The following PRIM2 variants were observed in gnomAD, a reference collection of about 807,000 sequenced individuals.
The protein encoded by PRIM2 is DNA primase subunit 2.
PRIM2 carries 39 observed loss-of-function variants against 67.3 expected under a neutral mutation model. That is an observed-to-expected ratio of 0.58 (90% CI 0.45 to 0.76). The LOEUF (loss-of-function observed/expected upper bound fraction) is 0.76. Among genes scored for constraint, PRIM2 ranks in the 30% least tolerant of loss-of-function variants. The pLI, the probability that PRIM2 is intolerant of heterozygous loss-of-function variation, is 0.00. For missense variants in PRIM2, 398 were observed against 598.7 expected (o/e 0.66, Z 3.50); for synonymous variants, 143 against 198.7 (o/e 0.72, Z 2.36).
chr6:57,312,267 G>A (rs1165236529), upstream of PRIM2, among the ~76,000 whole-genome samples: 3 of 152,104 alleles, frequency 2.0e-5, no homozygotes, highest in South Asian at 4.2e-4. Context: ...TTGGGAGGCC[G>A]AGGCAGGAGG....
intron 8 of PRIM2, among the ~76,000 whole-genome samples, chr6:57,524,655 C>A (rs1238957462): frequency 6.6e-6 from 1 of 151,806 alleles, no homozygotes; most frequent in East Asian, 1.9e-4. Context: ...GAGCCGAGAT[C>A]GTACCATTGC....
At chr6:57,474,914 CTT>C (rs1197787761) in intron 7 of PRIM2, among the ~76,000 whole-genome samples, 6 of 152,144 alleles carry the variant, frequency 3.9e-5, no homozygotes, top group Non-Finnish European at 8.8e-5. Context: ...GTAGCATACT[CTT>C]TTTTTCCAGG....
chr6:57,248,818 C>T, the PRIM2 span, among the ~76,000 whole-genome samples: 1 of 152,202 alleles, frequency 6.6e-6, no homozygotes, highest in African/African-American at 2.4e-5. Context: ...GGCTCCCTGC[C>T]TCCAGACCCT....
At chr6:57,240,091 G>GTTTTTTTTTTTTTTTT in the PRIM2 span, among the ~76,000 whole-genome samples, 6 of 90,016 alleles carry the variant, frequency 6.7e-5, no homozygotes, top group African/African-American at 2.2e-4. Context: ...TCAATAATCT[G>GTTTTTTTTTTTTTTTT]TTTTTTTTTT....
At chr6:57,269,560 T>A in the PRIM2 span, among the ~76,000 whole-genome samples, 2 of 152,100 alleles carry the variant, frequency 1.3e-5, no homozygotes, top group African/African-American at 4.8e-5. Context: ...ATTGCAAAAA[T>A]TTTCTCCCAT....
chr6:57,305,515 CAG>C, the PRIM2 span, among the ~76,000 whole-genome samples: 1 of 152,202 alleles, frequency 6.6e-6, no homozygotes, highest in African/African-American at 2.4e-5. Flanking sequence ...TCAGCTCAAA[CAG>C]AGAGCAACTG....
chr6:57,285,211 AC>A, the PRIM2 span, among the ~76,000 whole-genome samples: 1 of 152,234 alleles, frequency 6.6e-6, no homozygotes, highest in Non-Finnish European at 1.5e-5. Context: ...GACAGCTGGT[AC>A]CATTCCTTCT....
intron 10 of PRIM2, among the ~76,000 whole-genome samples, chr6:57,577,615 G>A (rs1775987497): frequency 6.6e-6 from 1 of 151,924 alleles, no homozygotes; most frequent in Non-Finnish European, 1.5e-5. Context: ...TTTTAGTAGA[G>A]ATGGGGTTTC....
intron 2 of PRIM2, among the ~76,000 whole-genome samples, chr6:57,319,477 T>TGA (rs1319429257): frequency 6.6e-6 from 1 of 152,160 alleles, no homozygotes; most frequent in Non-Finnish European, 1.5e-5. Context: ...GTGTGTTGAA[T>TGA]GAAAGAATGA....
the PRIM2 span, among the ~76,000 whole-genome samples, chr6:57,272,176 G>A: frequency 5.3e-5 from 8 of 152,044 alleles, no homozygotes; most frequent in Non-Finnish European, 1.2e-4. Context: ...CAATTCCTGG[G>A]TATCCTTGTT....
intron 7 of PRIM2, among the ~76,000 whole-genome samples, chr6:57,433,068 A>G (rs892635569): frequency 1.3e-5 from 2 of 152,316 alleles, no homozygotes; most frequent in South Asian, 2.1e-4. Context: ...TTATTGGAAC[A>G]CAGTCATGCC....
chr6:57,414,252 T>C (rs1479987711), intron 7 of PRIM2, among the ~76,000 whole-genome samples: 1 of 152,138 alleles, frequency 6.6e-6, no homozygotes, highest in Non-Finnish European at 1.5e-5. Context: ...GCACAAATGA[T>C]ACTTATTTGA....
At chr6:57,333,885 A>G (rs1768137049) in intron 5 of PRIM2, among the ~76,000 whole-genome samples, 1 of 152,204 alleles carries the variant, frequency 6.6e-6, no homozygotes, top group South Asian at 2.1e-4. Flanking sequence ...TAACAAATGT[A>G]TTACATCAAC....
intron 10 of PRIM2, among the ~76,000 whole-genome samples, chr6:57,541,328 A>C (rs1339774220): frequency 6.6e-6 from 1 of 152,142 alleles, no homozygotes; most frequent in African/African-American, 2.4e-5. Context: ...ACCTCAGGTG[A>C]TCTTCCTGCC....
chr6:57,485,848 A>C, intron 7 of PRIM2, among the ~76,000 whole-genome samples: 1 of 152,320 alleles, frequency 6.6e-6, no homozygotes, highest in African/African-American at 2.4e-5. Flanking sequence ...ACAGTTAAAC[A>C]AGCCCTGGCT....
intron 5 of PRIM2, among the ~76,000 whole-genome samples, chr6:57,361,501 G>T (rs1167483999): frequency 6.8e-6 from 1 of 146,038 alleles, no homozygotes; most frequent in Non-Finnish European, 1.5e-5. Flanking sequence ...GAGATGGTTG[G>T]GAAACACTTT....
intron 7 of PRIM2, among the ~76,000 whole-genome samples, chr6:57,416,386 A>C (rs1414133312): frequency 1.3e-5 from 2 of 151,866 alleles, no homozygotes; most frequent in African/African-American, 4.9e-5. Context: ...GCTATTATTT[A>C]GACATTATTG....
In PRIM2 at chr6:57,580,486, A is replaced by G. The variant is rs1373507167; in HGVS notation, c.1021-20607A>G. On this transcript the variant is annotated intron_variant, in intron 10 of 13. Coordinates refer to ENST00000615550, the MANE Select transcript of PRIM2 (RefSeq NM_000947.5). ...AGGATATGAAAACTCAAACAGGAAA[A>G]ACTTTTTATGCTTAGTTTGATGACA... Among the ~76,000 whole-genome samples the G allele has an allele frequency of 4.7e-4, 71 of 152,324 alleles. 1 individual carries two copies. The East Asian group carries it at 0.012, about 26-fold the overall frequency.
intron 7 of PRIM2, among the ~76,000 whole-genome samples, chr6:57,469,088 C>T (rs1773274920): frequency 6.6e-6 from 1 of 152,134 alleles, no homozygotes; most frequent in Non-Finnish European, 1.5e-5. Context: ...CAGTGATTTC[C>T]TTATCATCAC....
Sources: allele counts gnomAD v4.1 joint callset (sites outside exome capture counted in the v4.1 genomes callset), GRCh38; gene constraint gnomAD v4.1.1; transcripts MANE v1.5; gene names NCBI Gene and HGNC (gene_info 2026-07-23, HGNC 2026-07-21).